The following MEIKIN variants were observed in gnomAD, a reference collection of about 807,000 sequenced individuals.
MEIKIN encodes the protein meiotic kinetochore factor, also known as meiosis-specific kinetochore protein.
At chr5:131,885,960 G>T (rs901750347) in intron 8 of MEIKIN, among the ~76,000 whole-genome samples, 9 of 152,128 alleles carry the variant, frequency 5.9e-5, no homozygotes, top group Non-Finnish European at 1.0e-4. Flanking sequence ...ATTTTACAAA[G>T]AAATTTAAAT....
intron 6 of MEIKIN, among the ~76,000 whole-genome samples, chr5:131,919,034 G>C (rs972760217): frequency 1.3e-5 from 2 of 151,998 alleles, no homozygotes; most frequent in Non-Finnish European, 2.9e-5. Context: ...AAAGACAACT[G>C]ACAAACTGGG....
chr5:131,846,632 C>T (rs967292091), intron 11 of MEIKIN, among the ~76,000 whole-genome samples: 2 of 152,096 alleles, frequency 1.3e-5, no homozygotes, highest in Non-Finnish European at 2.9e-5. Context: ...GCCAGCCTGA[C>T]AAACATGACA....
Position 131,944,771 on chromosome 5 carries a change from A to T in MEIKIN, c.201-19T>A, listed in dbSNP as rs1751932944. ...GCGAGGGCTAACAAAGAGACAACGC[A>T]ATTAGTTTGCACCATCTGGATTTGG... On this transcript the variant is annotated intron_variant, in intron 2 of 12. Transcript: ENST00000442687. 2 of 398,950 alleles carry T rather than the reference A, an allele frequency of 5.0e-6. No homozygotes were observed. The highest frequency in any genetic ancestry group is 4.4e-5 in the Admixed American group (1 of 22,712). The allele number at this position is 398,950 out of a possible 1,614,324, so 24.7% of individuals were successfully genotyped here.
chr5:131,825,105 T>G (rs1749589699), intron 11 of MEIKIN, among the ~76,000 whole-genome samples: 1 of 151,762 alleles, frequency 6.6e-6, no homozygotes, highest in Non-Finnish European at 1.5e-5. Context: ...GAGGCTAAGG[T>G]GGGAGGATCA....
chr5:131,911,436 G>A (rs1751334463), intron 8 of MEIKIN, among the ~76,000 whole-genome samples: 1 of 151,846 alleles, frequency 6.6e-6, no homozygotes, highest in Non-Finnish European at 1.5e-5. Context: ...AAGACACTTT[G>A]CTTATCCCTT....
rs146189186 is a variant in MEIKIN at position 131,841,337 on chromosome 5, T to G, written c.975+9927A>C. Among the ~76,000 whole-genome samples the G allele has an allele frequency of 9.4e-3, 1,431 of 152,272 alleles. 52 individuals are homozygous for G. The highest frequency in any genetic ancestry group is 0.07 in the Admixed American group (1,072 of 15,298). ...GCAATGGGATCCATTCTCATTCTCA[T>G]GTGCCAGCAGTAGCAGCAGTGTGGT... On this transcript the variant is annotated intron_variant, in intron 11 of 12. Coordinates refer to ENST00000442687, the MANE Select transcript of MEIKIN (RefSeq NM_001303622.2).
At chr5:131,842,592 T>C (rs1749934537) in intron 11 of MEIKIN, among the ~76,000 whole-genome samples, 1 of 152,176 alleles carries the variant, frequency 6.6e-6, no homozygotes, top group South Asian at 2.1e-4. Context: ...TTCATTGTGA[T>C]TTGTTGATTT....
At chr5:131,906,940 G>A (rs774768851) in intron 8 of MEIKIN, among the ~76,000 whole-genome samples, 28 of 152,092 alleles carry the variant, frequency 1.8e-4, no homozygotes, top group Admixed American at 7.2e-4. Context: ...GAAATAATCT[G>A]CACACCAAAC....
chr5:131,885,470 AAG>A (rs1213535129), intron 8 of MEIKIN, among the ~76,000 whole-genome samples: 1 of 151,010 alleles, frequency 6.6e-6, no homozygotes, highest in Non-Finnish European at 1.5e-5. Context: ...GGAAAAGAAA[AAG>A]AGTCTCTGCC....
At chr5:131,848,422 T>C (rs1450772093) in intron 11 of MEIKIN, among the ~76,000 whole-genome samples, 1 of 152,108 alleles carries the variant, frequency 6.6e-6, no homozygotes, top group Non-Finnish European at 1.5e-5. Flanking sequence ...TTTGATAACC[T>C]AGATGAAATA....
intron 4 of MEIKIN, among the ~76,000 whole-genome samples, chr5:131,939,731 A>T (rs1001126116): frequency 6.6e-6 from 1 of 152,196 alleles, no homozygotes; most frequent in African/African-American, 2.4e-5. Flanking sequence ...TCAGGTTTCA[A>T]ATATCAATCA....
intron 12 of MEIKIN, among the ~76,000 whole-genome samples, chr5:131,811,107 C>T (rs986972569): frequency 7.9e-5 from 12 of 152,056 alleles, no homozygotes; most frequent in Admixed American, 4.6e-4. Context: ...GAGATGGCAC[C>T]GTTAGTTCAT....
intron 11 of MEIKIN, 30 bp downstream of exon 11, chr5:131,851,234 A>G (rs1580872234): frequency 2.5e-6 from 1 of 397,344 alleles, no homozygotes; most frequent in East Asian, 3.6e-5. Context: ...TATTTCCTTT[A>G]GTAATTGAAG....
At chr5:131,811,163 T>C (rs2149600084) in intron 12 of MEIKIN, among the ~76,000 whole-genome samples, 1 of 152,246 alleles carries the variant, frequency 6.6e-6, no homozygotes, top group African/African-American at 2.4e-5. Context: ...GTTATCTCTG[T>C]AAATTAAACT....
chr5:131,897,225 G>T (rs1304123884), intron 8 of MEIKIN, among the ~76,000 whole-genome samples: 2 of 152,178 alleles, frequency 1.3e-5, no homozygotes, highest in Non-Finnish European at 2.9e-5. Context: ...CTCTCTTCTG[G>T]CTTGTAGAGT....
At chr5:131,833,490 T>A (rs918643629) in intron 11 of MEIKIN, among the ~76,000 whole-genome samples, 2 of 152,238 alleles carry the variant, frequency 1.3e-5, no homozygotes, top group Non-Finnish European at 2.9e-5. Flanking sequence ...AACTTCTGCC[T>A]GATACCCAGT....
At chr5:131,839,818 C>A (rs1407803024) in intron 11 of MEIKIN, among the ~76,000 whole-genome samples, 1 of 152,082 alleles carries the variant, frequency 6.6e-6, no homozygotes, top group East Asian at 1.9e-4. Context: ...CCATTATGTG[C>A]CTTTTAATTG....
chr5:131,913,323 G>A (rs1317980064), intron 7 of MEIKIN, among the ~76,000 whole-genome samples: 1 of 152,148 alleles, frequency 6.6e-6, no homozygotes, highest in Admixed American at 6.5e-5. Flanking sequence ...TGGCCTATTG[G>A]CATTATGCAC....
chr5:131,920,604 G>A lies in MEIKIN; in HGVS notation c.598+1218C>T, dbSNP rs142859459. On this transcript the variant is annotated intron_variant, in intron 6 of 12. Coordinates refer to ENST00000442687, the MANE Select transcript of MEIKIN (RefSeq NM_001303622.2). ...GACATAATATTCTTCAAATAAAAATGGGGGGACATCATGAACCCTTTGATA... is the reference window on the plus strand; with the variant it reads ...GACATAATATTCTTCAAATAAAAATAGGGGGACATCATGAACCCTTTGATA... Among the ~76,000 whole-genome samples the A allele has an allele frequency of 3.7e-3, 569 of 152,212 alleles. 4 individuals carry two copies. The highest frequency in any genetic ancestry group is 0.013 in the African/African-American group (539 of 41,524).
Sources: allele counts gnomAD v4.1 joint callset (sites outside exome capture counted in the v4.1 genomes callset), GRCh38; gene constraint gnomAD v4.1.1; transcripts MANE v1.5; gene names NCBI Gene and HGNC (gene_info 2026-07-23, HGNC 2026-07-21).